The following DPY19L1 variants were observed in gnomAD, a reference collection of about 807,000 sequenced individuals.
The protein encoded by DPY19L1 is dpy-19 like C-mannosyltransferase 1.
Under a neutral mutation model 96.9 loss-of-function variants are expected in DPY19L1, and 35 were observed. That is an observed-to-expected ratio of 0.36 (90% confidence interval 0.28 to 0.48). DPY19L1 has a LOEUF of 0.48. DPY19L1 is among the 20% of genes least tolerant of loss of function. DPY19L1 has a pLI of 0.99. For missense variants in DPY19L1, 521 were observed against 777.9 expected (o/e 0.67, Z 3.93); for synonymous variants, 205 against 252.6 (o/e 0.81, Z 1.79).
intron 1 of DPY19L1, among the ~76,000 whole-genome samples, chr7:35,032,169 T>A (rs1371103846): frequency 6.6e-6 from 1 of 152,200 alleles, no homozygotes; most frequent in African/African-American, 2.4e-5. Context: ...GCACAAAATG[T>A]TAGGGTTTCT....
intron 13 of DPY19L1, among the ~76,000 whole-genome samples, chr7:34,952,270 T>A (rs996939533): frequency 1.3e-5 from 2 of 152,042 alleles, no homozygotes; most frequent in Admixed American, 6.6e-5. Flanking sequence ...TTTAACTGAC[T>A]AAATTTAAAA....
At chr7:34,993,453 T>G (rs1302249817) in intron 6 of DPY19L1, among the ~76,000 whole-genome samples, 3 of 149,202 alleles carry the variant, frequency 2.0e-5, no homozygotes, top group Admixed American at 1.3e-4. Context: ...TTTTTTTTTG[T>G]TATCACACTA....
Position 34,989,884 on chromosome 7 carries a change from C to G in DPY19L1, c.822G>C (p.Glu274Asp). The G allele has an allele frequency of 1.3e-6, 2 of 1,591,996 alleles. No homozygotes were observed. Among genetic ancestry groups the G allele is most frequent in the Non-Finnish European group, 1.7e-6 (2 of 1,172,084 alleles). Residue 274 changes from glutamate (E) to aspartate (D), a missense_variant and splice_region_variant, in exon 7 of 22, where the codon GAG becomes GAC. Physicochemically the swap from Glu to Asp is conservative, Grantham distance 45. Transcript: ENST00000638088. ...CTGAGAATAGTTTTTGATTACCTAC[C>G]TCTCCATGATTGAAAAAGAAGCACA... ...TVLCFFFNHG[E>D]CTRVMWTPPL...
At chr7:35,018,054 T>A in intron 2 of DPY19L1, 85 bp from the exon 3 acceptor site, 1 of 965,960 alleles carries the variant, frequency 1.0e-6, no homozygotes, top group Non-Finnish European at 1.5e-6. Context: ...AAAATAAAAG[T>A]ATCAGTTAAC....
At position 34,973,476 on chromosome 7, in the gene DPY19L1, A is replaced by T; in HGVS notation, c.914+38T>A. 2.3e-6 allele frequency: 3 copies of T among 1,312,662 alleles called. No homozygotes were observed. In the South Asian group the frequency reaches 5.9e-5, roughly 26 times the overall value. 81.3% of individuals were successfully genotyped at this position (1,312,662 alleles called of 1,614,324 possible). On this transcript the variant is annotated intron_variant, in intron 8 of 21. Coordinates refer to ENST00000638088, the MANE Select transcript of DPY19L1 (RefSeq NM_001366673.1). Reference sequence around the variant, plus strand: ...AGCTTAAGAAATTTTAGTTAAAATTATTTAATGCAAAAAGAAATAAGGTTA... The same window carrying T: ...AGCTTAAGAAATTTTAGTTAAAATTTTTTAATGCAAAAAGAAATAAGGTTA...
At chr7:34,981,613 C>T (rs1784941097) in intron 7 of DPY19L1, among the ~76,000 whole-genome samples, 1 of 152,180 alleles carries the variant, frequency 6.6e-6, no homozygotes, top group Non-Finnish European at 1.5e-5. Flanking sequence ...AGAGGTAATG[C>T]AAAGCAAAGG....
chr7:34,981,924 T>C (rs1178599304), intron 7 of DPY19L1, among the ~76,000 whole-genome samples: 2 of 152,168 alleles, frequency 1.3e-5, no homozygotes, highest in African/African-American at 2.4e-5. Flanking sequence ...CACTCCAGCC[T>C]GGGCAGCAGA....
rs1166677278 is a variant in DPY19L1 at position 34,938,069 on chromosome 7, T to G, written c.2015A>C (p.Glu672Ala). The change falls in exon 21 of 22, where the codon GAA (glutamate) becomes GCA (alanine). Residue 672 changes from glutamate (E) to alanine (A), a missense_variant. Physicochemically the swap from Glu to Ala is moderately radical, Grantham distance 107 (BLOSUM62 -1). Coordinates refer to ENST00000638088, the MANE Select transcript of DPY19L1 (RefSeq NM_001366673.1). ...TAACTTTATCAGTTCTCGCTTCACT[T>G]CTTCGGCTGCTTTCCGACTATACAT... ...YSMYSRKAAE[E>A]VKRELIKLKV... 8 of 1,613,968 alleles carry G rather than the reference T, an allele frequency of 5.0e-6. No individual in the cohort carries two copies. The highest frequency in any genetic ancestry group is 1.7e-5 in the Admixed American group (1 of 60,008).
intron 1 of DPY19L1, among the ~76,000 whole-genome samples, chr7:35,021,783 T>C (rs1786000143): frequency 6.6e-6 from 1 of 152,198 alleles, no homozygotes; most frequent in South Asian, 2.1e-4. Flanking sequence ...AGCCTAGGCC[T>C]ACTTACCCTA....
At chr7:34,950,952 G>A (rs543822709) in intron 13 of DPY19L1, among the ~76,000 whole-genome samples, 33 of 152,146 alleles carry the variant, frequency 2.2e-4, no homozygotes, top group Non-Finnish European at 3.8e-4. Context: ...AAAGTATGCT[G>A]AAAGGTTGAA....
At chr7:35,019,940 G>C (rs1322652339) in intron 1 of DPY19L1, among the ~76,000 whole-genome samples, 1 of 152,124 alleles carries the variant, frequency 6.6e-6, no homozygotes, top group Non-Finnish European at 1.5e-5. Context: ...AGGGGGATCA[G>C]CTGAGGACAG....
At chr7:34,962,092 C>G (rs553581716) in intron 10 of DPY19L1, among the ~76,000 whole-genome samples, 1 of 152,294 alleles carries the variant, frequency 6.6e-6, no homozygotes, top group African/African-American at 2.4e-5. Context: ...TATCACTTTC[C>G]TTGGTATTTA....
rs759601530 is a variant in DPY19L1 at position 35,011,324 on chromosome 7, A to C, written c.670+6T>G. 1 of 1,611,250 alleles carries C rather than the reference A, an allele frequency of 6.2e-7. No homozygotes were observed. Among genetic ancestry groups the C allele is most frequent in the South Asian group, 1.1e-5 (1 of 90,468 alleles). On this transcript the variant is annotated splice_donor_region_variant and intron_variant, in intron 5 of 21. Transcript: ENST00000638088. Reference sequence around the variant, plus strand: ...TAACTGGACAATATTACAGAAAGAAACTTACCTTCACAGCTTTCAATAGGA... The same window carrying C: ...TAACTGGACAATATTACAGAAAGAACCTTACCTTCACAGCTTTCAATAGGA...
chr7:35,032,349 G>T (rs1193309468), intron 1 of DPY19L1, among the ~76,000 whole-genome samples: 5 of 152,052 alleles, frequency 3.3e-5, no homozygotes, highest in Non-Finnish European at 7.3e-5. Context: ...ATATCTTTGT[G>T]CCTCAGATTC....
chr7:34,975,333 G>A (rs1197165679), intron 7 of DPY19L1, among the ~76,000 whole-genome samples: 2 of 152,212 alleles, frequency 1.3e-5, no homozygotes, highest in Admixed American at 1.3e-4. Context: ...TGTTCTGGAT[G>A]GAAGATCAAA....
chr7:34,966,497 G>C (rs1473091362), intron 10 of DPY19L1, among the ~76,000 whole-genome samples: 3 of 151,894 alleles, frequency 2.0e-5, no homozygotes, highest in Non-Finnish European at 4.4e-5. Flanking sequence ...TGGCTCTGTT[G>C]CCCAGGCTGG....
At chr7:35,037,887 G>A (rs1419950256), upstream of DPY19L1, 5 of 1,238,682 alleles carry the variant, frequency 4.0e-6, no homozygotes, top group Non-Finnish European at 1.0e-6. Flanking sequence ...GGAGGCGGCC[G>A]CCCTTCCATT....
rs567335672 is a variant in DPY19L1 at position 34,983,396 on chromosome 7, T to C, written c.822+6488A>G. On this transcript the variant is annotated intron_variant, in intron 7 of 21. Transcript: ENST00000638088. ...TACAATAATTAGATTTTAAAACGTA[T>C]AGAAAAATATTAGTGAGATGAAGAG... Among the ~76,000 whole-genome samples the C allele has an allele frequency of 7.7e-4, 117 of 151,814 alleles. 5 individuals carry two copies. The South Asian group carries it at 9.1e-3, about 12-fold the overall frequency.
chr7:34,965,998 C>T (rs1482936396), intron 10 of DPY19L1, among the ~76,000 whole-genome samples: 2 of 151,906 alleles, frequency 1.3e-5, no homozygotes, highest in East Asian at 3.9e-4. Flanking sequence ...TCCTGATCTG[C>T]CTTACCCTTA....
Sources: allele counts gnomAD v4.1 joint callset (sites outside exome capture counted in the v4.1 genomes callset), GRCh38; gene constraint gnomAD v4.1.1; transcripts MANE v1.5; gene names NCBI Gene and HGNC (gene_info 2026-07-23, HGNC 2026-07-21).